Variants in RALGDS observed in about 807,000 individuals in gnomAD.
RALGDS encodes ral guanine nucleotide dissociation stimulator.
RALGDS carries 44 observed loss-of-function variants against 99.8 expected under a neutral mutation model. The observed-to-expected ratio is 0.44, with a 90% CI of 0.35 to 0.57. The LOEUF is 0.57. Ranked by LOEUF, RALGDS falls within the 20% of genes least tolerant of loss-of-function variation. RALGDS has a pLI of 0.01. For missense variants in RALGDS, 1,022 were observed against 1,203.1 expected (o/e 0.85, Z 2.23); for synonymous variants, 529 against 505.0 (o/e 1.05, Z -0.64).
At chr9:133,121,364 C>G, upstream of RALGDS, 1 of 369,614 alleles carries the variant, frequency 2.7e-6, no homozygotes, top group Non-Finnish European at 3.7e-6. Context: ...GCGCCCGCGG[C>G]CCCGCCCTCG....
intron 10 of RALGDS, 28 bp downstream of exon 10, chr9:133,104,235 G>T: frequency 6.3e-7 from 1 of 1,597,732 alleles, no homozygotes; most frequent in Non-Finnish European, 8.6e-7. Context: ...CCAGCCCCCT[G>T]CCCCTCCGCG....
intron 1 of RALGDS, among the ~76,000 whole-genome samples, chr9:133,140,241 C>T (rs180917342): frequency 6.6e-6 from 1 of 152,046 alleles, no homozygotes; most frequent in East Asian, 1.9e-4. Flanking sequence ...CCCACGGTCC[C>T]ACCCTCCCAG....
intron 4 of RALGDS, among the ~76,000 whole-genome samples, chr9:133,109,272 G>A (rs1831223792): frequency 6.6e-6 from 1 of 152,196 alleles, no homozygotes; most frequent in Non-Finnish European, 1.5e-5. Context: ...TGCCCACTGA[G>A]CACTCACTAT....
At chr9:133,141,971 C>T (rs752491492) in intron 1 of RALGDS, among the ~76,000 whole-genome samples, 6 of 152,226 alleles carry the variant, frequency 3.9e-5, no homozygotes, top group African/African-American at 1.2e-4. Flanking sequence ...GCAAAGCACA[C>T]GGTACCACAC....
intron 2 of RALGDS, among the ~76,000 whole-genome samples, chr9:133,111,082 A>C (rs1015052975): frequency 1.3e-5 from 2 of 152,144 alleles, no homozygotes; most frequent in African/African-American, 4.8e-5. Flanking sequence ...AGAGTGAAAA[A>C]ATTTTTAAAG....
chr9:133,112,267 G>A, intron 1 of RALGDS, 115 bp from the exon 2 acceptor site: 1 of 724,088 alleles, frequency 1.4e-6, no homozygotes, highest in Non-Finnish European at 2.5e-6. Context: ...ACTGGCGGCT[G>A]CACAGACCTA....
intron 1 of RALGDS, among the ~76,000 whole-genome samples, chr9:133,119,558 A>C (rs1442574275): frequency 6.6e-6 from 1 of 152,114 alleles, no homozygotes; most frequent in African/African-American, 2.4e-5. Context: ...AGGGACGGAG[A>C]GAGGGAACCT....
chr9:133,108,373 G>A lies in RALGDS; in HGVS notation c.812C>T (p.Pro271Leu). 1 of 1,537,764 alleles carries A rather than the reference G, an allele frequency of 6.5e-7. No individual in the cohort carries two copies. The highest frequency in any genetic ancestry group is 8.7e-7 in the Non-Finnish European group (1 of 1,146,906). Residue 271 changes from proline (P) to leucine (L), a missense_variant, in exon 6 of 18, where the codon CCA becomes CTA. Around this residue, in one of 3 missense-constraint regions of RALGDS, gnomAD observed 825 missense variants for 994.5 expected, o/e 0.83. Coordinates refer to ENST00000372050, the MANE Select transcript of RALGDS (RefSeq NM_006266.4). ...TGGTGTTAGAGCTAGCTCGAGCTCT[G>A]GAGTTGGTTTTAGAGCTGGCACTGG... ...LSPVPALKPT[P>L]ELELALTPAR...
intron 1 of RALGDS, chr9:133,148,830 T>G: frequency 9.1e-7 from 1 of 1,096,930 alleles, no homozygotes; most frequent in Non-Finnish European, 1.3e-6. Flanking sequence ...CCGGGCGGGG[T>G]TGGACGCGGA....
intron 1 of RALGDS, among the ~76,000 whole-genome samples, chr9:133,116,541 C>T (rs374037528): frequency 4.7e-4 from 72 of 152,370 alleles, no homozygotes; most frequent in Middle Eastern, 3.4e-3. Context: ...TCCCTGTCCA[C>T]GCCCAGCCCC....
At chr9:133,140,782 C>A (rs1226532117) in intron 1 of RALGDS, among the ~76,000 whole-genome samples, 1 of 152,186 alleles carries the variant, frequency 6.6e-6, no homozygotes, top group Non-Finnish European at 1.5e-5. Context: ...TTCCTTGGTG[C>A]TGGGCTGGGG....
chr9:133,100,080 C>A (rs1160257447), intron 17 of RALGDS, 188 bp downstream of exon 17: 2 of 676,566 alleles, frequency 3.0e-6, no homozygotes, highest in Non-Finnish European at 5.3e-6. Context: ...GGGAAGGGCA[C>A]ACACTGGGGA....
At chr9:133,139,902 A>T (rs1564254629) in intron 1 of RALGDS, among the ~76,000 whole-genome samples, 1 of 152,128 alleles carries the variant, frequency 6.6e-6, no homozygotes, top group Non-Finnish European at 1.5e-5. Context: ...CAGAGGAGTT[A>T]AGGAACCCAC....
chr9:133,139,273 C>A (rs376388081), intron 1 of RALGDS, among the ~76,000 whole-genome samples: 1 of 152,226 alleles, frequency 6.6e-6, no homozygotes, highest in African/African-American at 2.4e-5. Flanking sequence ...ATCTGCCAGA[C>A]AGCAATCTCC....
chr9:133,102,436 C>G (rs748350591), intron 14 of RALGDS, 40 bp downstream of exon 14: 25 of 1,591,534 alleles, frequency 1.6e-5, no homozygotes, highest in Non-Finnish European at 2.2e-5. Context: ...CTTCTGAGCC[C>G]CAAGGCAGCT....
chr9:133,128,016 G>A (rs971657950), intron 1 of RALGDS, among the ~76,000 whole-genome samples: 1 of 152,194 alleles, frequency 6.6e-6, no homozygotes, highest in African/African-American at 2.4e-5. Context: ...GTACACCCCC[G>A]GCATATTGAG....
chr9:133,122,795 C>T (rs1831995338), upstream of RALGDS, among the ~76,000 whole-genome samples: 1 of 151,432 alleles, frequency 6.6e-6, no homozygotes, highest in Admixed American at 6.6e-5. Flanking sequence ...GCCTCCGCCT[C>T]TTGGGGTCAA....
intron 1 of RALGDS, among the ~76,000 whole-genome samples, chr9:133,140,688 A>C (rs1436969500): frequency 6.6e-6 from 1 of 151,978 alleles, no homozygotes; most frequent in East Asian, 1.9e-4. Flanking sequence ...GGGGTGGGGA[A>C]GGTCCTTAGT....
At chr9:133,142,641 G>C (rs1006581041) in intron 1 of RALGDS, among the ~76,000 whole-genome samples, 36 of 152,128 alleles carry the variant, frequency 2.4e-4, no homozygotes, top group African/African-American at 8.7e-4. Context: ...CTATGGGGGG[G>C]CCCACATACC....
Sources: gnomAD v4.1 joint callset for allele counts (sites outside exome capture counted in the v4.1 genomes callset) on GRCh38, gnomAD v4.1.1 for gene constraint, gnomAD v4.1.1 regional missense constraint, MANE v1.5 for transcripts, NCBI Gene and HGNC (gene_info 2026-07-23, HGNC 2026-07-21) for gene names.